Variants in KMT2E observed in about 807,000 individuals in gnomAD.
KMT2E encodes the protein histone reader KMT2E.
A neutral mutation model predicts 184.6 loss-of-function variants in KMT2E; 30 were observed. That is an observed-to-expected ratio of 0.16 (90% confidence interval 0.12 to 0.22). The LOEUF is 0.22. Ranked by LOEUF, KMT2E falls within the 10% of genes least tolerant of loss-of-function variation. The probability of loss-of-function intolerance (pLI) is 1.00; values close to 1 mark genes in which losing one functional copy is unlikely to be tolerated. For synonymous variants in KMT2E, 815 were observed against 776.5 expected, an observed-to-expected ratio of 1.05 and a Z score of -0.82; for missense variants, 2,023 against 2,237.4, an observed-to-expected ratio of 0.90 and a Z score of 1.93.
At chr7:105,015,368 C>T (rs1243138042) in intron 1 of KMT2E, among the ~76,000 whole-genome samples, 1 of 152,174 alleles carries the variant, frequency 6.6e-6, no homozygotes, top group African/African-American at 2.4e-5. Context: ...GGCCTTAGTT[C>T]CGTATAGATC....
At chr7:105,018,112 G>A (rs1017555236) in intron 1 of KMT2E, among the ~76,000 whole-genome samples, 1 of 152,136 alleles carries the variant, frequency 6.6e-6, no homozygotes, top group African/African-American at 2.4e-5. Flanking sequence ...TAATTTCCAA[G>A]AATAATGTAC....
chr7:105,110,426 G>C (rs188572289), intron 24 of KMT2E, 51 bp from the exon 25 acceptor site: 7 of 1,613,988 alleles, frequency 4.3e-6, no homozygotes, highest in Non-Finnish European at 5.9e-6. Flanking sequence ...CTGCATCCTC[G>C]TTCTTTGCAG....
At chr7:105,087,891 G>A (rs1306711050) in intron 13 of KMT2E, among the ~76,000 whole-genome samples, 11 of 143,470 alleles carry the variant, frequency 7.7e-5, no homozygotes, top group African/African-American at 1.6e-4. Flanking sequence ...TAAGCAATTC[G>A]ATTCAGTTCC....
intron 1 of KMT2E, among the ~76,000 whole-genome samples, chr7:105,027,402 G>C (rs145222890): frequency 5.3e-5 from 8 of 152,034 alleles, no homozygotes; most frequent in African/African-American, 1.7e-4. Flanking sequence ...AAAGGTACTG[G>C]TCCCTTATAG....
At chr7:105,055,357 T>C (rs1249330487) in intron 3 of KMT2E, among the ~76,000 whole-genome samples, 1 of 151,914 alleles carries the variant, frequency 6.6e-6, no homozygotes, top group African/African-American at 2.4e-5. Context: ...CCTGGCCCTC[T>C]GTATAGTTTT....
In KMT2E at chr7:105,053,898, G is replaced by T. The variant is rs1796449680; in HGVS notation, c.72-8266G>T. On this transcript the variant is annotated intron_variant, in intron 3 of 26. Transcript: ENST00000311117. ...TCTTCAAAAAAAAGAAACAGGCGAG[G>T]CATGGTGGCACATGCCTGTAATCTC... Among the ~76,000 whole-genome samples, 8 of 151,996 alleles carry T rather than the reference G, an allele frequency of 5.3e-5. No homozygotes were observed. The South Asian group carries it at 1.7e-3, about 32-fold the overall frequency.
At position 105,062,167 on chromosome 7, in the gene KMT2E, A is replaced by G. The variant is rs138149088; in HGVS notation, c.75A>G (p.Pro25=). 6.8e-5 allele frequency: 110 copies of G among 1,606,734 alleles called. 1 individual carries two copies. In the Middle Eastern group the frequency reaches 1.2e-3, roughly 17 times the overall value. ...SYLEMAAGSE[P]ESVEASPVVV... ...TGATGCAACTTTTTCCCCCCAGACC[A>G]GAATCCGTAGAAGCTAGCCCTGTGG... The change falls in exon 4 of 27, where the codon CCA becomes CCG. Residue 25 remains proline (P), a synonymous_variant. Transcript: ENST00000311117.
At position 105,111,847 on chromosome 7, in the gene KMT2E, T is replaced by C. The variant is rs1562936329; in HGVS notation, c.4091T>C (p.Ile1364Thr). 6.2e-7 allele frequency: 1 copy of C among 1,613,316 alleles called. No homozygotes were observed. Among genetic ancestry groups the C allele is most frequent in the Non-Finnish European group, 8.5e-7 (1 of 1,179,738 alleles). ...TAGCCTGGTTCACCTGGATCTGTAA[T>C]TCCTGCTCAAGCACACGGGAAAATA... ...MSKPGSPGSV[I>T]PAQAHGKIFT... is the part of the protein sequence containing the mutation. The change falls in exon 27 of 27, where the codon ATT (isoleucine) becomes ACT (threonine). Residue 1364 changes from isoleucine to threonine, a missense_variant. This residue lies in a region of KMT2E where 1,108 missense variants were observed against 1,050.9 expected (regional missense o/e 1.05). Coordinates refer to ENST00000311117, the MANE Select transcript of KMT2E (RefSeq NM_182931.3).
intron 3 of KMT2E, among the ~76,000 whole-genome samples, chr7:105,042,619 T>G (rs902322859): frequency 3.9e-5 from 6 of 152,230 alleles, no homozygotes; most frequent in African/African-American, 1.4e-4. Context: ...AGATTCATGC[T>G]GCCACATAGG....
chr7:105,051,059 T>TTC (rs1562892211), intron 3 of KMT2E, among the ~76,000 whole-genome samples: 2 of 150,636 alleles, frequency 1.3e-5, no homozygotes, highest in Non-Finnish European at 3.0e-5. Context: ...CTTTCTTTCC[T>TTC]TTTCTTTCTT....
Position 105,112,740 on chromosome 7 carries a change from G to C in KMT2E, c.4984G>C (p.Val1662Leu), listed in dbSNP as rs776413928. The change falls in exon 27 of 27, where the codon GTC becomes CTC. Residue 1662 changes from valine to leucine, a missense_variant. Val to Leu is a conservative substitution (Grantham distance 32). Coordinates refer to ENST00000311117, the MANE Select transcript of KMT2E (RefSeq NM_182931.3). ...ACATGTAGTAGGGCCTGTTCATGCG[G>C]TCACCCCTGGGTCGCATATTCATTC... is the stretch of plus-strand genomic sequence containing the variant. ...VAHVVGPVHA[V>L]TPGSHIHSQT... 2.0e-5 allele frequency: 32 copies of C among 1,613,452 alleles called. No individual in the cohort carries two copies. Among genetic ancestry groups the C allele is most frequent in the Middle Eastern group, 1.6e-4 (1 of 6,084 alleles).
chr7:105,111,065 C>G (rs1229439643), intron 26 of KMT2E, 197 bp downstream of exon 26: 1 of 558,596 alleles, frequency 1.8e-6, no homozygotes, highest in African/African-American at 1.9e-5. Context: ...ATAACTCTGA[C>G]CAAACATTCA....
chr7:105,066,723 T>TTA lies in KMT2E; in HGVS notation c.417-4_417-3insTA. On this transcript the variant is annotated splice_polypyrimidine_tract_variant and splice_region_variant and intron_variant, in intron 5 of 26. Transcript: ENST00000311117. The stretch of plus-strand genomic sequence containing the variant: ...TACATATGTTCTGCTTTTTTTTTTT[T>TTA]AAGCGTTTGGCAACATATTGACTGC... 6.2e-7 allele frequency: 1 copy of TTA among 1,600,368 alleles called. No homozygotes were observed. The highest frequency in any genetic ancestry group is 8.5e-7 in the Non-Finnish European group (1 of 1,170,426).
intron 1 of KMT2E, among the ~76,000 whole-genome samples, chr7:105,032,259 C>A (rs1795454548): frequency 6.6e-6 from 1 of 151,404 alleles, no homozygotes; most frequent in Non-Finnish European, 1.5e-5. Flanking sequence ...GCCTGGCCAA[C>A]ATGGTGAAAT....
Position 105,112,871 on chromosome 7 carries a change from A to C in KMT2E, c.5115A>C (p.Ala1705=), listed in dbSNP as rs1799384077. 1.2e-6 allele frequency: 2 copies of C among 1,605,952 alleles called. No individual in the cohort carries two copies. Among genetic ancestry groups the C allele is most frequent in the African/African-American group, 1.4e-5 (1 of 72,336 alleles). ...HPSTGLQGLQ[A]QHQHVVNSAP... is the part of the protein sequence containing the mutation. ...CCACAGGACTCCAAGGTCTACAAGC[A>C]CAACACCAGCATGTTGTAAATTCAG... Residue 1705 remains alanine, a synonymous_variant, in exon 27 of 27, where the codon GCA becomes GCC. Coordinates refer to ENST00000311117, the MANE Select transcript of KMT2E (RefSeq NM_182931.3).
intron 12 of KMT2E, among the ~76,000 whole-genome samples, chr7:105,079,362 C>T (rs1268698374): frequency 2.6e-5 from 4 of 151,648 alleles, no homozygotes; most frequent in African/African-American, 7.3e-5. Context: ...TCTCGAACTC[C>T]GGACCTCAGG....
intron 1 of KMT2E, among the ~76,000 whole-genome samples, chr7:105,035,288 T>C (rs1355895171): frequency 1.3e-5 from 2 of 151,872 alleles, no homozygotes; most frequent in African/African-American, 4.8e-5. Flanking sequence ...TGCCTTGGCC[T>C]CCCAAAGTGC....
chr7:105,098,691 A>C (rs1358390886), intron 15 of KMT2E, among the ~76,000 whole-genome samples: 2 of 152,172 alleles, frequency 1.3e-5, no homozygotes, highest in Non-Finnish European at 2.9e-5. Flanking sequence ...ATAATAAACC[A>C]CTGCGCCCAG....
intron 1 of KMT2E, among the ~76,000 whole-genome samples, chr7:105,030,808 C>G (rs1336308818): frequency 6.6e-6 from 1 of 152,138 alleles, no homozygotes; most frequent in East Asian, 1.9e-4. Flanking sequence ...TTAAAAGCCA[C>G]ATTAGTATAG....
Sources: allele counts gnomAD v4.1 joint callset (sites outside exome capture counted in the v4.1 genomes callset), GRCh38; gene constraint gnomAD v4.1.1; regional missense constraint gnomAD v4.1.1; transcripts MANE v1.5; gene names NCBI Gene and HGNC (gene_info 2026-07-23, HGNC 2026-07-21).